ZNF578: variants seen among roughly 807,000 people sequenced by gnomAD.
ZNF578 encodes the protein Putative chemokine-related protein B42.
A neutral mutation model predicts 8.3 loss-of-function variants in ZNF578; 8 were observed. The observed-to-expected ratio is 0.96, with a 90% CI of 0.56 to 1.74. The LOEUF (loss-of-function observed/expected upper bound fraction) is 1.74. ZNF578 is among the 40% of genes most tolerant of loss of function. The pLI is 0.00. For missense variants in ZNF578, 726 were observed against 707.5 expected, an observed-to-expected ratio of 1.03 and a Z score of -0.30; for synonymous variants, 206 against 232.2, an observed-to-expected ratio of 0.89 and a Z score of 1.03.
In ZNF578 at chr19:52,511,143, A is replaced by G. The variant is rs1276954921; in HGVS notation, c.762A>G (p.Leu254=). The G allele has an allele frequency of 6.2e-7, 1 of 1,614,184 alleles. No homozygotes were observed. Among genetic ancestry groups the G allele is most frequent in the Admixed American group, 1.7e-5 (1 of 60,030 alleles). ...TAAGGAAACATCAGATAATCCATTT[A>G]GGAGAAAAACAATATAAATTTGATA... ...SFVRKHQIIH[L]GEKQYKFDIC... Residue 254 remains leucine (L), a synonymous_variant, in exon 6 of 6, where the codon TTA becomes TTG. Transcript: ENST00000421239.
In ZNF578 at chr19:52,494,028, C is replaced by G. The variant is rs2059376886; in HGVS notation, c.-20+2603C>G. ...GGTTAAATAAGTTGTGAGGATGGAG[C>G]AGAAGAGGTGGAAGAGAAGTAATAG... On this transcript the variant is annotated intron_variant, in intron 3 of 5. Coordinates refer to ENST00000421239, the MANE Select transcript of ZNF578 (RefSeq NM_001099694.2). Among the ~76,000 whole-genome samples the G allele has an allele frequency of 2.7e-5, 4 of 149,954 alleles. No individual in the cohort carries two copies. The South Asian group carries it at 8.5e-4, about 32-fold the overall frequency.
intron 2 of ZNF578, among the ~76,000 whole-genome samples, chr19:52,489,674 T>C (rs1032887638): frequency 1.3e-5 from 2 of 151,962 alleles, no homozygotes; most frequent in African/African-American, 2.4e-5. Flanking sequence ...AATTCTTCTT[T>C]TTTTTTTTTC....
In ZNF578 at chr19:52,512,343, C is replaced by T. The variant is rs545229733; in HGVS notation, c.*189C>T. The T allele has an allele frequency of 2.6e-6, 4 of 1,524,514 alleles. No individual in the cohort carries two copies. Among genetic ancestry groups the T allele is most frequent in the African/African-American group, 2.7e-5 (2 of 73,040 alleles). 94.4% of individuals were successfully genotyped at this position (1,524,514 alleles called of 1,614,324 possible). A position where few individuals can be genotyped will look rare whatever the true frequency, so the allele number is the denominator to read the frequency against. On this transcript the variant is annotated 3_prime_UTR_variant, in exon 6 of 6. Coordinates refer to ENST00000421239, the MANE Select transcript of ZNF578 (RefSeq NM_001099694.2). ...CCATTCATGGTGTAGGGAAACTTGA[C>T]TAATGTAATGATTGTCACAAAGTCT... is the stretch of plus-strand genomic sequence containing the variant.
At chr19:52,504,528 C>A in intron 4 of ZNF578, 127 bp from the exon 5 acceptor site, 4 of 1,528,352 alleles carry the variant, frequency 2.6e-6, no homozygotes, top group East Asian at 4.7e-5. Flanking sequence ...TCAAAAATAC[C>A]TTAACGTGGT....
intron 3 of ZNF578, among the ~76,000 whole-genome samples, chr19:52,493,585 G>T (rs1015875385): frequency 2.0e-5 from 3 of 152,106 alleles, no homozygotes; most frequent in Non-Finnish European, 4.4e-5. Context: ...GGACAGGGGG[G>T]TATAACAGGG....
At chr19:52,478,807 G>C (rs568397385) in intron 2 of ZNF578, among the ~76,000 whole-genome samples, 1 of 152,040 alleles carries the variant, frequency 6.6e-6, no homozygotes, top group East Asian at 1.9e-4. Context: ...TCTGCCTCCC[G>C]GGTTCAAGCA....
intron 2 of ZNF578, among the ~76,000 whole-genome samples, chr19:52,479,386 T>G (rs1187702192): frequency 6.6e-6 from 1 of 151,448 alleles, no homozygotes; most frequent in African/African-American, 2.4e-5. Flanking sequence ...ATAGCAAAAA[T>G]TAGACGGGTG....
intron 2 of ZNF578, among the ~76,000 whole-genome samples, chr19:52,489,253 CAAAAA>C (rs200949342): frequency 6.7e-6 from 1 of 150,348 alleles, no homozygotes; most frequent in Non-Finnish European, 1.5e-5. Context: ...TCTCAAAAAA[CAAAAA>C]AAGAAATAGC....
chr19:52,514,050 A>C lies in ZNF578; in HGVS notation c.*1896A>C, dbSNP rs908192621. On this transcript the variant is annotated 3_prime_UTR_variant, in exon 6 of 6. Transcript: ENST00000421239. The stretch of plus-strand genomic sequence containing the variant: ...AAACAAACAAATGAAAAAAACAGAC[A>C]TCAAAAATGCTTTTGTTCTCGTTGT... 2.0e-5 allele frequency among the ~76,000 whole-genome samples: 3 copies of C among 152,054 alleles called. 1 individual carries two copies. The highest frequency in any genetic ancestry group is 1.3e-4 in the Admixed American group (2 of 15,246).
rs778021467 is a variant in ZNF578, at chr19:52,501,850, T to C, written c.5T>C (p.Leu2Ser). 20 of 1,613,708 alleles carry C rather than the reference T, an allele frequency of 1.2e-5. 1 individual carries two copies. The South Asian group carries it at 2.2e-4, about 18-fold the overall frequency. M[L>S]HEEAAQKRKG... ...AGGATTGATTTCTAAAGACTCATGT[T>C]ACATGAGGAAGCAGCTCAGAAGAGG... Residue 2 changes from leucine (L) to serine (S), a missense_variant, in exon 4 of 6, where the codon TTA becomes TCA. By Grantham distance (145) the Leu-to-Ser change is moderately radical (BLOSUM62 -2). Transcript: ENST00000421239.
chr19:52,511,194 G>T lies in ZNF578; in HGVS notation c.813G>T (p.Lys271Asn). Residue 271 changes from lysine to asparagine, a missense_variant, in exon 6 of 6, where the codon AAG (lysine) becomes AAT (asparagine). Coordinates refer to ENST00000421239, the MANE Select transcript of ZNF578 (RefSeq NM_001099694.2). ...TATGTGGCAAAGTCTTTAATGAGAA[G>T]CGATACCTTGCACGCCATCGTAGAT... is the stretch of plus-strand genomic sequence containing the variant. ...FDICGKVFNE[K>N]RYLARHRRCH... is the part of the protein sequence containing the mutation. 6.2e-7 allele frequency: 1 copy of T among 1,614,212 alleles called. No homozygotes were observed. The highest frequency in any genetic ancestry group is 8.5e-7 in the Non-Finnish European group (1 of 1,180,036).
At chr19:52,507,383 G>A (rs1022439409) in intron 5 of ZNF578, among the ~76,000 whole-genome samples, 5 of 152,038 alleles carry the variant, frequency 3.3e-5, no homozygotes, top group East Asian at 3.9e-4. Flanking sequence ...GTTAGATTCC[G>A]TTTGCCACAA....
chr19:52,512,121 T>G lies in ZNF578; in HGVS notation c.1740T>G (p.Ile580Met). ...GTGGTAAGGCTCACAATCACTTGAT[T>G]GATTCATCAATCAAGCCTTGCATGT... The part of the protein sequence containing the change: ...NECGKAHNHL[I>M]DSSIKPCMSS Residue 580 changes from isoleucine (I) to methionine (M), a missense_variant, in exon 6 of 6, where the codon ATT becomes ATG. By Grantham distance (10) the Ile-to-Met change is conservative. Coordinates refer to ENST00000421239, the MANE Select transcript of ZNF578 (RefSeq NM_001099694.2). 1 of 1,613,614 alleles carries G rather than the reference T, an allele frequency of 6.2e-7. No individual in the cohort carries two copies. The highest frequency in any genetic ancestry group is 8.5e-7 in the Non-Finnish European group (1 of 1,179,802).
intron 5 of ZNF578, among the ~76,000 whole-genome samples, chr19:52,509,077 T>A (rs2059435492): frequency 6.6e-6 from 1 of 151,754 alleles, no homozygotes; most frequent in African/African-American, 2.4e-5. Context: ...GATGTTTTGG[T>A]GTTCTTAGTA....
chr19:52,473,991 T>A, intron 2 of ZNF578: 1 of 395,578 alleles, frequency 2.5e-6, no homozygotes. Flanking sequence ...TTGTAAGGTT[T>A]CTCTCCAGTA....
intron 2 of ZNF578, among the ~76,000 whole-genome samples, chr19:52,459,792 T>TTTTTTTG: frequency 8.5e-6 from 1 of 117,902 alleles, no homozygotes; most frequent in African/African-American, 3.3e-5. Context: ...TTTTTTTTTT[T>TTTTTTTG]TGAGATGGAG....
Position 52,512,268 on chromosome 19 carries a change from G to T in ZNF578, c.*114G>T. 6.3e-7 allele frequency: 1 copy of T among 1,595,640 alleles called. No homozygotes were observed. The highest frequency in any genetic ancestry group is 1.1e-5 in the South Asian group (1 of 90,626). ...CATACTGGAGAGAAACCTTACAAGTGTAATGAGTGTGGCAAAGCCTTTAGT... is the reference window on the plus strand; with the variant it reads ...CATACTGGAGAGAAACCTTACAAGTTTAATGAGTGTGGCAAAGCCTTTAGT... On this transcript the variant is annotated 3_prime_UTR_variant, in exon 6 of 6. Coordinates refer to ENST00000421239, the MANE Select transcript of ZNF578 (RefSeq NM_001099694.2).
At chr19:52,493,910 A>C (rs2059376118) in intron 3 of ZNF578, among the ~76,000 whole-genome samples, 1 of 151,906 alleles carries the variant, frequency 6.6e-6, no homozygotes, top group Non-Finnish European at 1.5e-5. Context: ...GAATCGCTTG[A>C]ACCTGGGAGG....
intron 2 of ZNF578, among the ~76,000 whole-genome samples, chr19:52,476,295 T>A (rs192480514): frequency 6.6e-6 from 1 of 152,304 alleles, no homozygotes; most frequent in East Asian, 1.9e-4. Context: ...GAATTCCAGC[T>A]GACATCACTA....
Sources: allele counts gnomAD v4.1 joint callset (sites outside exome capture counted in the v4.1 genomes callset), GRCh38; gene constraint gnomAD v4.1.1; transcripts MANE v1.5; gene names NCBI Gene and HGNC (gene_info 2026-07-23, HGNC 2026-07-21).